The following ACAN variants were observed in gnomAD, a reference collection of about 807,000 sequenced individuals.
The protein encoded by ACAN is aggrecan core protein.
Under a neutral mutation model 169.1 loss-of-function variants are expected in ACAN, and 47 were observed. The ratio of observed to expected loss-of-function variants is 0.28; its 90% confidence interval spans 0.22 to 0.35. The LOEUF is 0.35. Among genes scored for constraint, ACAN ranks in the 10% least tolerant of loss-of-function variants. The pLI is 1.00. For missense variants in ACAN, 2,716 were observed against 2,759.9 expected, an observed-to-expected ratio of 0.98 and a Z score of 0.36; for synonymous variants, 1,115 against 1,112.2, an observed-to-expected ratio of 1.00 and a Z score of -0.05.
chr15:88,803,916 C>A (rs1481389044), intron 1 of ACAN, 107 bp downstream of exon 1: 1 of 152,308 alleles, frequency 6.6e-6, no homozygotes, highest in Non-Finnish European at 1.5e-5. Context: ...CTGCCTTGGT[C>A]TCCGCCCTAG....
chr15:88,840,251 G>A, intron 4 of ACAN, 65 bp downstream of exon 4: 1 of 1,486,654 alleles, frequency 6.7e-7, no homozygotes, highest in Non-Finnish European at 9.0e-7. Flanking sequence ...TGGGGCGGGT[G>A]CTGGGTGGAA....
chr15:88,846,685 T>C (rs528249475), intron 7 of ACAN, among the ~76,000 whole-genome samples: 1 of 152,366 alleles, frequency 6.6e-6, no homozygotes, highest in South Asian at 2.1e-4. Context: ...ACTACTTACA[T>C]AGCATTGACG....
rs1208153667 is a variant in ACAN, at chr15:88,869,336, TG to T, written c.7060+1009del. 6.6e-6 allele frequency among the ~76,000 whole-genome samples: 1 copy of T among 152,204 alleles called. No homozygotes were observed. The highest frequency in any genetic ancestry group is 2.4e-5 in the African/African-American group (1 of 41,456). On this transcript the variant is annotated intron_variant, in intron 14 of 18. Transcript: ENST00000560601. The surrounding 1 kb of genome is among the most constrained non-coding windows in gnomAD (Gnocchi z 4.2). ...GTGAAACTCCTGGGAAGTCTCCCTT[TG>T]GTCCTAAGCAGTGTGAGGAGGTAGT... is the stretch of plus-strand genomic sequence containing the variant.
At chr15:88,825,502 G>C (rs1896191899) in intron 1 of ACAN, among the ~76,000 whole-genome samples, 1 of 152,194 alleles carries the variant, frequency 6.6e-6, no homozygotes, top group Non-Finnish European at 1.5e-5. Flanking sequence ...AATTCAGGTT[G>C]TGTTCTTAAG....
rs190231566 is a variant in ACAN, at chr15:88,809,049, G to A, written c.-8+5240G>A. 1.5e-3 allele frequency among the ~76,000 whole-genome samples: 235 copies of A among 152,310 alleles called. No homozygotes were observed. The Middle Eastern group carries it at 0.017, about 11-fold the overall frequency. ...TCTGTTTCCGTGAGATGGACTCATG[G>A]TACAGTTGTGAAGGTTTGAAAGCAA... On this transcript the variant is annotated intron_variant, in intron 1 of 18. Coordinates refer to ENST00000560601, the MANE Select transcript of ACAN (RefSeq NM_001369268.1).
At chr15:88,805,695 A>T (rs1895661353) in intron 1 of ACAN, among the ~76,000 whole-genome samples, 1 of 152,244 alleles carries the variant, frequency 6.6e-6, no homozygotes. Flanking sequence ...GCAAGTACTC[A>T]GTAACTGTTT....
intron 1 of ACAN, among the ~76,000 whole-genome samples, chr15:88,809,348 A>C (rs1283920681): frequency 6.6e-6 from 1 of 152,086 alleles, no homozygotes; most frequent in African/African-American, 2.4e-5. Flanking sequence ...CATATGACCT[A>C]GGGGAAACTG....
Position 88,874,124 on chromosome 15 carries a change from G to T in ACAN, c.7630+100G>T. On this transcript the variant is annotated intron_variant, in intron 18 of 18. Coordinates refer to ENST00000560601, the MANE Select transcript of ACAN (RefSeq NM_001369268.1). The surrounding 1 kb of genome is among the most constrained non-coding windows in gnomAD (Gnocchi z 7.3). ...CCTGGGGACCCTACACCGTCCACAGGGTTGAGCAAGGGAAGGGAGGTCGGG... is the reference window on the plus strand; with the variant it reads ...CCTGGGGACCCTACACCGTCCACAGTGTTGAGCAAGGGAAGGGAGGTCGGG... The T allele has an allele frequency of 6.7e-7, 1 of 1,485,366 alleles. No homozygotes were observed. Among genetic ancestry groups the T allele is most frequent in the Admixed American group, 1.9e-5 (1 of 52,800 alleles). 92.0% of individuals were successfully genotyped at this position (1,485,366 alleles called of 1,614,324 possible). A position where few individuals can be genotyped will look rare whatever the true frequency, so the allele number is the denominator to read the frequency against.
At chr15:88,864,800 A>G (rs1328872012) in intron 13 of ACAN, among the ~76,000 whole-genome samples, 1 of 152,258 alleles carries the variant, frequency 6.6e-6, no homozygotes, top group Non-Finnish European at 1.5e-5. Flanking sequence ...AGTTATGTCC[A>G]GAATCACCAC....
In ACAN at chr15:88,811,959, T is replaced by C. The variant is rs191645168; in HGVS notation, c.-8+8150T>C. ...TGTTCTGAGATTCCCACTTGTTTCC[T>C]AAACGCAACCCAAGTGGGTCTCTGT... On this transcript the variant is annotated intron_variant, in intron 1 of 18. Transcript: ENST00000560601. Among the ~76,000 whole-genome samples, 253 of 152,286 alleles carry C rather than the reference T, an allele frequency of 1.7e-3. 1 individual carries two copies. The highest frequency in any genetic ancestry group is 5.9e-3 in the African/African-American group (245 of 41,538).
intron 1 of ACAN, among the ~76,000 whole-genome samples, chr15:88,812,210 A>G (rs1290014419): frequency 2.6e-5 from 4 of 151,252 alleles, no homozygotes; most frequent in Non-Finnish European, 5.9e-5. Flanking sequence ...TGACCCAGGG[A>G]CTCCCGGGTT....
rs1897459288 is a variant in ACAN, at chr15:88,874,331, TCTGGGGAGAGCCTGGGCTCGCCCCA to T, written c.7631-71_7631-47del. On this transcript the variant is annotated intron_variant, in intron 18 of 18. Coordinates refer to ENST00000560601, the MANE Select transcript of ACAN (RefSeq NM_001369268.1). This position sits in a 1 kb window ranked among gnomAD's most constrained non-coding sequence, Gnocchi z 7.3. ...GGTTTCCACAAGGGAGAGAGGGTAG[TCTGGGGAGAGCCTGGGCTCGCCCCA>T]CTTTCTTTCCAGGTCCACTGATATC... 5.0e-6 allele frequency: 7 copies of T among 1,391,256 alleles called. No individual in the cohort carries two copies. In the Admixed American group the frequency reaches 1.4e-4, roughly 27 times the overall value. The allele number at this position is 1,391,256 out of a possible 1,614,324, so 86.2% of individuals were successfully genotyped here.
chr15:88,867,083 T>G (rs1516797), intron 13 of ACAN, among the ~76,000 whole-genome samples: 65,279 of 152,056 alleles, frequency 0.43, 15,741 homozygotes, highest in African/African-American at 0.67. Context: ...GAAACCAAGT[T>G]GGGGGATAAA....
At chr15:88,836,935 C>T (rs1225066876) in intron 2 of ACAN, among the ~76,000 whole-genome samples, 1 of 152,252 alleles carries the variant, frequency 6.6e-6, no homozygotes. Context: ...TAGAGGCCCC[C>T]ACTGGCCATC....
rs1309055311 is a variant in ACAN at position 88,866,086 on chromosome 15, C to A, written c.6947-2130C>A. On this transcript the variant is annotated intron_variant, in intron 13 of 18. Coordinates refer to ENST00000560601, the MANE Select transcript of ACAN (RefSeq NM_001369268.1). This position sits in a 1 kb window ranked among gnomAD's most constrained non-coding sequence, Gnocchi z 5.6. ...TCAGATTTTGTGCCCTGGTCAAACA[C>A]AGAAAGAAAGCAACGCTCCCCCTCA... Among the ~76,000 whole-genome samples the A allele has an allele frequency of 6.6e-6, 1 of 152,172 alleles. No individual in the cohort carries two copies. The highest frequency in any genetic ancestry group is 1.9e-4 in the East Asian group (1 of 5,190).
chr15:88,864,016 A>C (rs1897244291), intron 13 of ACAN, among the ~76,000 whole-genome samples: 1 of 152,062 alleles, frequency 6.6e-6, no homozygotes, highest in African/African-American at 2.4e-5. Context: ...TACAAAAAAT[A>C]TATGTTTTTA....
chr15:88,853,736 T>TGATAGATA (rs757862774), intron 11 of ACAN, among the ~76,000 whole-genome samples: 2 of 141,666 alleles, frequency 1.4e-5, no homozygotes, highest in Admixed American at 7.1e-5. Context: ...AATAGATAGA[T>TGATAGATA]GATAGATAGA....
chr15:88,832,405 T>C (rs1896388047), intron 1 of ACAN, among the ~76,000 whole-genome samples: 1 of 150,752 alleles, frequency 6.6e-6, no homozygotes, highest in Admixed American at 6.6e-5. Flanking sequence ...AGGACAGGAG[T>C]TCGAGACCAG....
chr15:88,834,182 A>C (rs1896441177), intron 1 of ACAN, among the ~76,000 whole-genome samples: 1 of 152,130 alleles, frequency 6.6e-6, no homozygotes, highest in African/African-American at 2.4e-5. Flanking sequence ...ACTTCTCAGA[A>C]CTTTGGGATT....
Sources: gnomAD v4.1 joint callset for allele counts (sites outside exome capture counted in the v4.1 genomes callset) on GRCh38, gnomAD v4.1.1 for gene constraint, Gnocchi (gnomAD v3.1) non-coding constraint, MANE v1.5 for transcripts, NCBI Gene and HGNC (gene_info 2026-07-23, HGNC 2026-07-21) for gene names.